The following OXR1 variants were observed in gnomAD, a reference collection of about 807,000 sequenced individuals.
OXR1 encodes the protein oxidation resistance protein 1.
A neutral mutation model predicts 104.6 loss-of-function variants in OXR1; 41 were observed. The observed-to-expected ratio is 0.39, with a 90% confidence interval of 0.31 to 0.51. OXR1 has a LOEUF of 0.51. Ranked by LOEUF, OXR1 falls within the 20% of genes least tolerant of loss-of-function variation. OXR1 has a pLI of 0.77. For synonymous variants in OXR1, 348 were observed against 348.4 expected (o/e 1.00, Z 0.01); for missense variants, 955 against 1,031.9 (o/e 0.93, Z 1.02).
intron 1 of OXR1, among the ~76,000 whole-genome samples, chr8:106,302,456 GGCACCTGTAGTCCCA>G (rs1813278407): frequency 2.0e-5 from 3 of 151,688 alleles, no homozygotes; most frequent in Admixed American, 2.0e-4. Flanking sequence ...CGTGGTGGCG[GGCACCTGTAGTCCCA>G]GCTACTCGGG....
chr8:106,425,998 C>G (rs1819101945), intron 2 of OXR1, among the ~76,000 whole-genome samples: 1 of 152,130 alleles, frequency 6.6e-6, no homozygotes, highest in Non-Finnish European at 1.5e-5. Context: ...GCCATAGGAG[C>G]TGAAGTCAGA....
In OXR1 at chr8:106,487,279, C is replaced by A. The variant is rs1458244895; in HGVS notation, c.24-31664C>A. 2.0e-5 allele frequency among the ~76,000 whole-genome samples: 3 copies of A among 151,458 alleles called. No homozygotes were observed. The East Asian group carries it at 5.8e-4, about 29-fold the overall frequency. ...CCTCAGGTGATCTGCCCGCCTCGGC[C>A]TCCCAAAGTTCTGGGATTACAGATG... On this transcript the variant is annotated intron_variant, in intron 2 of 16. Transcript: ENST00000517566.
chr8:106,485,133 A>G (rs111899231), intron 2 of OXR1, among the ~76,000 whole-genome samples: 2,509 of 152,144 alleles, frequency 0.016, 31 homozygotes, highest in Non-Finnish European at 0.024. Context: ...CTATGGATAC[A>G]ACAAAAAAAT....
chr8:106,437,619 A>G (rs933118391), intron 2 of OXR1, among the ~76,000 whole-genome samples: 1 of 152,192 alleles, frequency 6.6e-6, no homozygotes. Flanking sequence ...CCAAGAAACC[A>G]GGATCATGAT....
At chr8:106,741,462 G>A (rs1244122559) in intron 14 of OXR1, among the ~76,000 whole-genome samples, 1 of 152,108 alleles carries the variant, frequency 6.6e-6, no homozygotes, top group African/African-American at 2.4e-5. Flanking sequence ...ACTTTGCCAT[G>A]TGATAGTTCT....
intron 1 of OXR1, among the ~76,000 whole-genome samples, chr8:106,335,601 C>A (rs1405818596): frequency 6.6e-6 from 1 of 151,980 alleles, no homozygotes; most frequent in African/African-American, 2.4e-5. Context: ...ATAATTACTA[C>A]AGTACACTCT....
intron 16 of OXR1, 59 bp downstream of exon 16, chr8:106,745,921 A>G: frequency 1.1e-6 from 1 of 896,158 alleles, no homozygotes; most frequent in Non-Finnish European, 1.8e-6. Flanking sequence ...ATGCATTTGG[A>G]TTATTTATAA....
At chr8:106,518,394 T>C (rs1813006977) in intron 2 of OXR1, among the ~76,000 whole-genome samples, 1 of 152,202 alleles carries the variant, frequency 6.6e-6, no homozygotes, top group Admixed American at 6.5e-5. Flanking sequence ...TTGCTTTCCA[T>C]GTTAGGCCTT....
At chr8:106,663,891 C>T (rs1826011443) in intron 3 of OXR1, among the ~76,000 whole-genome samples, 1 of 152,160 alleles carries the variant, frequency 6.6e-6, no homozygotes, top group Admixed American at 6.5e-5. Context: ...GGTTGGGGAC[C>T]ACTGCTTTAA....
intron 3 of OXR1, among the ~76,000 whole-genome samples, chr8:106,630,689 A>T (rs1280400745): frequency 6.6e-6 from 1 of 152,244 alleles, no homozygotes; most frequent in Non-Finnish European, 1.5e-5. Context: ...AAGAATATTT[A>T]CTAGAGAGTT....
At chr8:106,274,154 G>A (rs573176519) in intron 1 of OXR1, among the ~76,000 whole-genome samples, 18 of 152,226 alleles carry the variant, frequency 1.2e-4, no homozygotes, top group Middle Eastern at 3.4e-3. Context: ...TAATTTTCTC[G>A]TATTGTATTT....
chr8:106,727,236 ATT>A (rs67873896), intron 11 of OXR1, among the ~76,000 whole-genome samples: 1 of 151,628 alleles, frequency 6.6e-6, no homozygotes, highest in African/African-American at 2.4e-5. Flanking sequence ...CTATTCATAC[ATT>A]TTTTTTATTT....
chr8:106,742,403 C>A, intron 15 of OXR1, 86 bp downstream of exon 15: 1 of 714,008 alleles, frequency 1.4e-6, no homozygotes, highest in Non-Finnish European at 2.4e-6. Context: ...GTGCTATTCC[C>A]ATTAAACTAC....
intron 2 of OXR1, among the ~76,000 whole-genome samples, chr8:106,462,086 T>C (rs1187836573): frequency 6.6e-6 from 1 of 152,172 alleles, no homozygotes; most frequent in Non-Finnish European, 1.5e-5. Flanking sequence ...CAGACTGGTT[T>C]TTGTTGGTTT....
intron 2 of OXR1, among the ~76,000 whole-genome samples, chr8:106,507,754 T>C (rs1167940794): frequency 6.6e-6 from 1 of 152,206 alleles, no homozygotes; most frequent in Non-Finnish European, 1.5e-5. Context: ...AGAGATCACT[T>C]CGGAGTAAAG....
intron 6 of OXR1, among the ~76,000 whole-genome samples, chr8:106,690,252 A>G (rs1320825010): frequency 1.3e-5 from 2 of 150,940 alleles, no homozygotes; most frequent in African/African-American, 2.4e-5. Context: ...ATAAATATCA[A>G]TACCACTCAA....
intron 1 of OXR1, among the ~76,000 whole-genome samples, chr8:106,348,204 G>A (rs13264374): frequency 0.34 from 51,704 of 151,894 alleles, 8,847 homozygotes; most frequent in Admixed American, 0.4. Context: ...GGGGCACGAG[G>A]GGTGGGAAAG....
intron 2 of OXR1, among the ~76,000 whole-genome samples, chr8:106,410,601 C>G (rs1028782773): frequency 6.6e-6 from 1 of 152,000 alleles, no homozygotes; most frequent in African/African-American, 2.4e-5. Flanking sequence ...AAGTGAGGAT[C>G]CAAGTGCTTA....
At chr8:106,711,008 AT>A (rs893487903) in intron 10 of OXR1, among the ~76,000 whole-genome samples, 1 of 152,136 alleles carries the variant, frequency 6.6e-6, no homozygotes, top group Admixed American at 6.6e-5. Context: ...GTGAACAAAT[AT>A]CCAATTTGGG....
Sources: allele counts gnomAD v4.1 joint callset (sites outside exome capture counted in the v4.1 genomes callset), GRCh38; gene constraint gnomAD v4.1.1; transcripts MANE v1.5; gene names NCBI Gene and HGNC (gene_info 2026-07-23, HGNC 2026-07-21).